GNA14: variants seen among roughly 807,000 people sequenced by gnomAD.
The protein encoded by GNA14 is G protein subunit alpha 14.
In GNA14, 50 loss-of-function variants were observed where a neutral mutation model predicts 42.0. The ratio of observed to expected loss-of-function variants is 1.19; its 90% confidence interval spans 0.95 to 1.51. The LOEUF is 1.51. GNA14 is among the 40% of genes most tolerant of loss of function. The pLI, the probability that GNA14 is intolerant of heterozygous loss-of-function variation, is 0.00. For missense variants in GNA14, 473 were observed against 446.2 expected (o/e 1.06, Z -0.54); for synonymous variants, 173 against 163.1 (o/e 1.06, Z -0.46).
intron 1 of GNA14, among the ~76,000 whole-genome samples, chr9:77,572,485 T>C (rs1264789591): frequency 1.3e-5 from 2 of 152,184 alleles, no homozygotes; most frequent in East Asian, 3.8e-4. Context: ...AAGACACAAA[T>C]TCCAAATTGG....
chr9:77,524,470 T>C (rs372596915), intron 2 of GNA14, among the ~76,000 whole-genome samples: 12 of 152,224 alleles, frequency 7.9e-5, no homozygotes, highest in African/African-American at 2.9e-4. Flanking sequence ...CAGCAGATAA[T>C]AGAGAAATAA....
chr9:77,445,526 C>T (rs4745638), intron 2 of GNA14, among the ~76,000 whole-genome samples: 73 of 141,766 alleles, frequency 5.1e-4, no homozygotes, highest in Non-Finnish European at 1.0e-3. Context: ...CACCCTGGGC[C>T]GCAAAGTGAG....
intron 2 of GNA14, among the ~76,000 whole-genome samples, chr9:77,445,797 G>A (rs1418626737): frequency 1.3e-5 from 2 of 152,104 alleles, no homozygotes; most frequent in Non-Finnish European, 2.9e-5. Context: ...GCCATTAAAC[G>A]TGGTCATGTT....
intron 2 of GNA14, among the ~76,000 whole-genome samples, 163 bp from the exon 3 acceptor site, chr9:77,434,685 A>C (rs1332000075): frequency 6.6e-6 from 1 of 152,138 alleles, no homozygotes; most frequent in Non-Finnish European, 1.5e-5. Flanking sequence ...CAAGACACCC[A>C]CTGCAGCCAT....
intron 1 of GNA14, among the ~76,000 whole-genome samples, chr9:77,602,161 TG>T (rs1002896422): frequency 4.9e-4 from 74 of 152,324 alleles, no homozygotes; most frequent in African/African-American, 1.7e-3. Context: ...AATGAATAAA[TG>T]AGTACTGTGT....
chr9:77,437,558 G>A (rs1317726188), intron 2 of GNA14, among the ~76,000 whole-genome samples: 1 of 150,196 alleles, frequency 6.7e-6, no homozygotes, highest in Non-Finnish European at 1.5e-5. Context: ...GAAAGAGAGA[G>A]AGAAAGAGAG....
intron 1 of GNA14, among the ~76,000 whole-genome samples, chr9:77,614,573 C>T (rs772407274): frequency 6.6e-6 from 1 of 152,146 alleles, no homozygotes; most frequent in Non-Finnish European, 1.5e-5. Context: ...ATGGATTCTT[C>T]GTTTTCACAA....
intron 5 of GNA14, among the ~76,000 whole-genome samples, chr9:77,427,432 T>C (rs1355947736): frequency 6.6e-6 from 1 of 152,124 alleles, no homozygotes; most frequent in Non-Finnish European, 1.5e-5. Context: ...AATTAGGTAA[T>C]ATAAGCTATG....
chr9:77,530,325 T>TG (rs1205826696), intron 1 of GNA14, among the ~76,000 whole-genome samples: 1 of 152,194 alleles, frequency 6.6e-6, no homozygotes. Flanking sequence ...CTCTTGCTCC[T>TG]GCTCTGGCCA....
rs547431498 is a variant in GNA14 at position 77,562,402 on chromosome 9, A to G, written c.125-33149T>C. On this transcript the variant is annotated intron_variant, in intron 1 of 6. Coordinates refer to ENST00000341700, the MANE Select transcript of GNA14 (RefSeq NM_004297.4). ...TACAGGGACAGAACCCAAAAAAATG[A>G]TCATGTATGGGGCAGGAAAGGGACA... Among the ~76,000 whole-genome samples the G allele has an allele frequency of 3.3e-5, 5 of 152,274 alleles. No homozygotes were observed. In the South Asian group the frequency reaches 8.3e-4, roughly 25 times the overall value.
intron 1 of GNA14, among the ~76,000 whole-genome samples, chr9:77,618,176 T>C (rs1823853484): frequency 6.6e-6 from 1 of 152,104 alleles, no homozygotes; most frequent in South Asian, 2.1e-4. Context: ...CACTAAAGCA[T>C]GGCTGCTTTC....
chr9:77,539,985 A>T (rs1412999481), intron 1 of GNA14, among the ~76,000 whole-genome samples: 1 of 151,788 alleles, frequency 6.6e-6, no homozygotes, highest in Non-Finnish European at 1.5e-5. Flanking sequence ...TCTCTGCTTC[A>T]TTTAGTTTTG....
At chr9:77,536,244 G>C (rs1451791889) in intron 1 of GNA14, among the ~76,000 whole-genome samples, 6 of 152,148 alleles carry the variant, frequency 3.9e-5, no homozygotes, top group Admixed American at 1.3e-4. Context: ...AAGGAGAGTT[G>C]AAAGAAACTA....
intron 2 of GNA14, among the ~76,000 whole-genome samples, chr9:77,489,651 G>A (rs1028200770): frequency 1.3e-5 from 2 of 152,116 alleles, no homozygotes; most frequent in Non-Finnish European, 2.9e-5. Flanking sequence ...CCTTCTGGTG[G>A]GTTTGTGGTC....
At chr9:77,434,304 C>A in intron 3 of GNA14, 64 bp downstream of exon 3, 2 of 1,483,626 alleles carry the variant, frequency 1.3e-6, no homozygotes, top group Non-Finnish European at 1.8e-6. Flanking sequence ...CGAGAAACTT[C>A]TTTGAAGTGT....
intron 1 of GNA14, among the ~76,000 whole-genome samples, chr9:77,593,054 T>C (rs367837520): frequency 2.0e-5 from 3 of 152,022 alleles, no homozygotes; most frequent in Non-Finnish European, 2.9e-5. Flanking sequence ...GAAGGTCTAC[T>C]GTGGGGGAGA....
intron 2 of GNA14, among the ~76,000 whole-genome samples, chr9:77,500,148 A>G (rs1366833922): frequency 6.6e-6 from 1 of 151,408 alleles, no homozygotes; most frequent in Admixed American, 6.6e-5. Context: ...TCAGCCTCCC[A>G]AGTAGCTGGG....
intron 1 of GNA14, among the ~76,000 whole-genome samples, chr9:77,639,639 G>A (rs766615452): frequency 2.0e-5 from 3 of 152,214 alleles, no homozygotes; most frequent in African/African-American, 4.8e-5. Flanking sequence ...CAGCAGCAGC[G>A]ACTGGCAGGG....
At chr9:77,545,919 G>C (rs187843600) in intron 1 of GNA14, among the ~76,000 whole-genome samples, 117 of 152,236 alleles carry the variant, frequency 7.7e-4, no homozygotes, top group Middle Eastern at 3.4e-3. Context: ...CCAGCTGTAA[G>C]AGTAAATGCT....
Sources: gnomAD v4.1 joint callset for allele counts (sites outside exome capture counted in the v4.1 genomes callset) on GRCh38, gnomAD v4.1.1 for gene constraint, MANE v1.5 for transcripts, NCBI Gene and HGNC (gene_info 2026-07-23, HGNC 2026-07-21) for gene names.